Variants in NALF1 observed in about 807,000 individuals in gnomAD.
NALF1 encodes the protein family with sequence similarity 155 member A.
In NALF1, 3 loss-of-function variants were observed where a neutral mutation model predicts 48.4. The ratio of observed to expected loss-of-function variants is 0.06; its 90% confidence interval spans 0.03 to 0.16. The LOEUF is 0.16. Among genes scored for constraint, NALF1 ranks in the 10% least tolerant of loss-of-function variants. The pLI, the probability that NALF1 is intolerant of heterozygous loss-of-function variation, is 1.00. For synonymous variants in NALF1, 262 were observed against 245.7 expected (o/e 1.07, Z -0.62); for missense variants, 526 against 571.5 (o/e 0.92, Z 0.81).
chr13:107,830,086 A>C (rs1024101704), intron 1 of NALF1, among the ~76,000 whole-genome samples: 3 of 152,192 alleles, frequency 2.0e-5, no homozygotes, highest in Admixed American at 2.0e-4. Flanking sequence ...AATAAGTAGG[A>C]AAACTACACT....
chr13:107,638,207 A>ATATATATATATATAT (rs533265281), intron 1 of NALF1, among the ~76,000 whole-genome samples: 24 of 142,530 alleles, frequency 1.7e-4, no homozygotes, highest in Non-Finnish European at 2.6e-4. Context: ...ATATATATAT[A>ATATATATATATATAT]ATTTAAGATG....
chr13:107,325,978 CATATACAT>C (rs1035209396), intron 1 of NALF1, among the ~76,000 whole-genome samples: 14 of 147,110 alleles, frequency 9.5e-5, no homozygotes, highest in East Asian at 2.0e-4. Context: ...ATACAACACA[CATATACAT>C]ATATACATAT....
chr13:107,353,417 T>A (rs774836187), intron 1 of NALF1, among the ~76,000 whole-genome samples: 1 of 152,182 alleles, frequency 6.6e-6, no homozygotes, highest in Non-Finnish European at 1.5e-5. Flanking sequence ...AGACGGAAAT[T>A]TTCTTCTGAG....
intron 1 of NALF1, among the ~76,000 whole-genome samples, chr13:107,610,129 G>C (rs923176086): frequency 2.0e-5 from 3 of 152,118 alleles, no homozygotes; most frequent in South Asian, 2.1e-4. Flanking sequence ...TAAAGATATG[G>C]GGAAAAATAA....
At chr13:107,410,174 T>C (rs1883965750) in intron 1 of NALF1, among the ~76,000 whole-genome samples, 1 of 152,302 alleles carries the variant, frequency 6.6e-6, no homozygotes, top group South Asian at 2.1e-4. Context: ...GAAAGATTTT[T>C]TTCTTTTAAG....
At chr13:107,185,979 T>C (rs1879162349) in intron 2 of NALF1, among the ~76,000 whole-genome samples, 1 of 152,152 alleles carries the variant, frequency 6.6e-6, no homozygotes, top group African/African-American at 2.4e-5. Context: ...AAATAAACAA[T>C]CCATGAATTC....
rs541462332 is a variant in NALF1, at chr13:107,686,107, G to T, written c.915+179575C>A. Reference sequence around the variant, plus strand: ...GGGGCCGGGGGCCAGCCTCTGAAATGCTAAGGGTTGAATGAGGACCACAGG... The same window carrying T: ...GGGGCCGGGGGCCAGCCTCTGAAATTCTAAGGGTTGAATGAGGACCACAGG... On this transcript the variant is annotated intron_variant, in intron 1 of 2. Coordinates refer to ENST00000375915, the MANE Select transcript of NALF1 (RefSeq NM_001080396.3). 6.6e-4 allele frequency among the ~76,000 whole-genome samples: 101 copies of T among 152,350 alleles called. No individual in the cohort carries two copies. In the Middle Eastern group the frequency reaches 0.01, roughly 15 times the overall value.
intron 1 of NALF1, among the ~76,000 whole-genome samples, chr13:107,450,102 G>A (rs140795026): frequency 6.6e-6 from 1 of 152,126 alleles, no homozygotes; most frequent in Non-Finnish European, 1.5e-5. Context: ...GTCCCCTCTG[G>A]AGGCCAAGCT....
At chr13:107,266,733 A>C (rs1881046714) in intron 1 of NALF1, among the ~76,000 whole-genome samples, 1 of 152,216 alleles carries the variant, frequency 6.6e-6, no homozygotes, top group African/African-American at 2.4e-5. Flanking sequence ...GGTCAAAAAA[A>C]CCCACAGGAA....
At chr13:107,188,702 T>C (rs1879225859) in intron 2 of NALF1, among the ~76,000 whole-genome samples, 1 of 152,160 alleles carries the variant, frequency 6.6e-6, no homozygotes, top group Admixed American at 6.6e-5. Context: ...GGATGAGTCC[T>C]CCACTCTCTC....
At chr13:107,645,720 T>G (rs188901996) in intron 1 of NALF1, among the ~76,000 whole-genome samples, 1 of 150,896 alleles carries the variant, frequency 6.6e-6, no homozygotes, top group Non-Finnish European at 1.5e-5. Flanking sequence ...TGTTTTACTC[T>G]CCAGCTGTTC....
chr13:107,220,546 G>A (rs935800418), intron 1 of NALF1, among the ~76,000 whole-genome samples: 3 of 152,182 alleles, frequency 2.0e-5, no homozygotes, highest in Non-Finnish European at 4.4e-5. Flanking sequence ...CAATCTGTCT[G>A]TTAATCCCAC....
At chr13:107,811,467 A>T (rs1878989472) in intron 1 of NALF1, among the ~76,000 whole-genome samples, 1 of 152,148 alleles carries the variant, frequency 6.6e-6, no homozygotes, top group Admixed American at 6.5e-5. Flanking sequence ...ACATTGATTG[A>T]CATTCTATGT....
chr13:107,334,508 C>T (rs1882521898), intron 1 of NALF1, among the ~76,000 whole-genome samples: 2 of 152,284 alleles, frequency 1.3e-5, no homozygotes, highest in South Asian at 2.1e-4. Context: ...CTTTCACCCT[C>T]TTAATGAGAG....
chr13:107,546,599 T>C (rs541874766), intron 1 of NALF1, among the ~76,000 whole-genome samples: 2 of 152,296 alleles, frequency 1.3e-5, no homozygotes, highest in East Asian at 1.9e-4. Context: ...AATATTTCTC[T>C]ATAAGGCAAG....
At chr13:107,569,389 G>A (rs1198471983) in intron 1 of NALF1, among the ~76,000 whole-genome samples, 1 of 151,926 alleles carries the variant, frequency 6.6e-6, no homozygotes. Context: ...GGAGAATGAC[G>A]TGAACCCGGG....
At chr13:107,771,134 A>C (rs968871861) in intron 1 of NALF1, among the ~76,000 whole-genome samples, 2 of 152,216 alleles carry the variant, frequency 1.3e-5, no homozygotes, top group Non-Finnish European at 2.9e-5. Context: ...TAAGGACTAA[A>C]TTTACAAAAC....
intron 1 of NALF1, among the ~76,000 whole-genome samples, chr13:107,803,136 G>A (rs914132117): frequency 2.0e-5 from 3 of 152,092 alleles, no homozygotes; most frequent in African/African-American, 7.2e-5. Context: ...AATGACCATC[G>A]CAGACATGAA....
chr13:107,285,979 C>G (rs891492416), intron 1 of NALF1, among the ~76,000 whole-genome samples: 2 of 151,922 alleles, frequency 1.3e-5, no homozygotes, highest in African/African-American at 4.8e-5. Context: ...GAGTAAAGGG[C>G]ATGAAGAATA....
Sources: gnomAD v4.1 joint callset for allele counts (sites outside exome capture counted in the v4.1 genomes callset) on GRCh38, gnomAD v4.1.1 for gene constraint, MANE v1.5 for transcripts, NCBI Gene and HGNC (gene_info 2026-07-23, HGNC 2026-07-21) for gene names.